ZBTB46: variants seen among roughly 807,000 people sequenced by gnomAD.
ZBTB46 encodes the protein zinc finger and BTB domain-containing protein 46.
In ZBTB46, 8 loss-of-function variants were observed where a neutral mutation model predicts 44.1. The observed-to-expected ratio is 0.18, with a 90% CI of 0.11 to 0.33. The LOEUF (loss-of-function observed/expected upper bound fraction) is 0.33, where lower values mean the gene tolerates loss of function less well. ZBTB46 is among the 10% of genes least tolerant of loss of function. The pLI, the probability that ZBTB46 is intolerant of heterozygous loss-of-function variation, is 1.00. For missense variants in ZBTB46, 651 were observed against 847.7 expected (o/e 0.77, Z 2.88); for synonymous variants, 409 against 382.3 (o/e 1.07, Z -0.81).
chr20:63,808,186 A>C, intron 1 of ZBTB46: 1 of 152,654 alleles, frequency 6.6e-6, no homozygotes, highest in Non-Finnish European at 1.5e-5. Flanking sequence ...ACTGGATTTC[A>C]CCACCGGCCG....
chr20:63,784,973 C>G (rs1016359699), intron 2 of ZBTB46, among the ~76,000 whole-genome samples: 2 of 152,196 alleles, frequency 1.3e-5, no homozygotes, highest in Non-Finnish European at 2.9e-5. Context: ...GTGGCTCACG[C>G]CTGTCATCCC....
At position 63,747,245 on chromosome 20, in the gene ZBTB46, G is replaced by A. The variant is rs370669704; in HGVS notation, c.1455C>T (p.Ser485=). Residue 485 remains serine, a synonymous_variant, in exon 5 of 5, where the codon TCC becomes TCT. Transcript: ENST00000245663. Reference sequence around the variant, plus strand: ...CATGCCTGATGCCCACGCTGGCGGCGGACATGAAGACGCGGCTGCACACCT... The same window carrying A: ...CATGCCTGATGCCCACGCTGGCGGCAGACATGAAGACGCGGCTGCACACCT... ...VCKVCSRVFM[S]AASVGIRHGS... The A allele has an allele frequency of 1.4e-5, 22 of 1,576,714 alleles. No individual in the cohort carries two copies. The highest frequency in any genetic ancestry group is 7.3e-5 in the Admixed American group (4 of 54,782).
intron 1 of ZBTB46, among the ~76,000 whole-genome samples, chr20:63,795,219 T>A (rs2092592366): frequency 6.6e-6 from 1 of 152,228 alleles, no homozygotes; most frequent in African/African-American, 2.4e-5. Flanking sequence ...CAGAATCGCT[T>A]ATGAAACGGG....
chr20:63,746,985 G>A lies in ZBTB46; in HGVS notation c.1715C>T (p.Pro572Leu), dbSNP rs201848046. The A allele has an allele frequency of 5.0e-5, 81 of 1,606,006 alleles. No homozygotes were observed. Among genetic ancestry groups the A allele is most frequent in the South Asian group, 3.0e-4 (27 of 90,880 alleles). ...GCCTCCTGGGGGGCTGCGCGGCCGC[G>A]GCGAGTCTTCCTCATCCTTGTCGTC... ...LADDKDEEDS[P>L]RPRSPPGGPD... The change falls in exon 5 of 5, where the codon CCG becomes CTG. Residue 572 changes from proline to leucine, a missense_variant. Around this residue, in one of 5 missense-constraint regions of ZBTB46, gnomAD observed 106 missense variants for 81.0 expected, o/e 1.31. Transcript: ENST00000245663.
chr20:63,782,424 A>G (rs1000923203), intron 2 of ZBTB46, among the ~76,000 whole-genome samples: 3 of 152,176 alleles, frequency 2.0e-5, no homozygotes, highest in African/African-American at 7.2e-5. Flanking sequence ...AAGCCAGAAG[A>G]GGCACATGGA....
chr20:63,780,673 G>T (rs1340234548), intron 2 of ZBTB46, among the ~76,000 whole-genome samples: 1 of 151,732 alleles, frequency 6.6e-6, no homozygotes, highest in Non-Finnish European at 1.5e-5. Flanking sequence ...GTGGTGGCGG[G>T]CGCCTGTAGT....
At chr20:63,817,589 G>A (rs533293098) in intron 1 of ZBTB46, among the ~76,000 whole-genome samples, 4 of 151,752 alleles carry the variant, frequency 2.6e-5, no homozygotes, top group African/African-American at 7.3e-5. Context: ...GGTGGCACAC[G>A]CCTGTAATCC....
At chr20:63,786,069 G>A (rs1194528057) in intron 2 of ZBTB46, among the ~76,000 whole-genome samples, 2 of 152,246 alleles carry the variant, frequency 1.3e-5, no homozygotes, top group African/African-American at 4.8e-5. Flanking sequence ...TGCACGCACA[G>A]GGAGGTGGCC....
rs2092078193 is a variant in ZBTB46 at position 63,745,350 on chromosome 20, A to G, written c.*1580T>C. ...AACCGGGGGCCAATGTCAAAAAACA[A>G]AAGCCGTGACTCCTGCGCTGTACCT... On this transcript the variant is annotated 3_prime_UTR_variant, in exon 5 of 5. Transcript: ENST00000245663. The G allele has an allele frequency of 6.6e-6, 1 of 152,238 alleles. No homozygotes were observed. Among genetic ancestry groups the G allele is most frequent in the Non-Finnish European group, 1.5e-5 (1 of 68,048 alleles). The allele number at this position is 152,238 out of a possible 1,614,324, so 9.4% of individuals were successfully genotyped here.
At chr20:63,791,707 G>A (rs1755962227) in intron 1 of ZBTB46, among the ~76,000 whole-genome samples, 1 of 152,106 alleles carries the variant, frequency 6.6e-6, no homozygotes, top group East Asian at 1.9e-4. Flanking sequence ...GGCTGCCAGC[G>A]CCCTGGACGT....
intron 1 of ZBTB46, chr20:63,815,289 CAGTGGGCAA>C: frequency 3.7e-6 from 1 of 271,886 alleles, no homozygotes; most frequent in South Asian, 3.1e-5. Flanking sequence ...AGTGCAGGTG[CAGTGGGCAA>C]AGGTGCAGTG....
chr20:63,809,000 GAAAAAGAAAAAAAAA>G, intron 1 of ZBTB46, among the ~76,000 whole-genome samples: 1 of 113,890 alleles, frequency 8.8e-6, no homozygotes. Flanking sequence ...AAAAAAAAAA[GAAAAAGAAAAAAAAA>G]AAAGAAAGAA....
Position 63,818,784 on chromosome 20 carries a change from GAAGGCAGAGGTTGC to G in ZBTB46, c.-34+12299_-34+12312del, listed in dbSNP as rs369850541. On this transcript the variant is annotated intron_variant, in intron 1 of 4. Transcript: ENST00000245663. Reference sequence around the variant, plus strand: ...GAGGCAGGAGAATCGCTTGAAACTGGAAGGCAGAGGTTGCAAGGCAGAGGTTGCAGTGAGCCGAG... The same window carrying G: ...GAGGCAGGAGAATCGCTTGAAACTGGAAGGCAGAGGTTGCAGTGAGCCGAG... 2.9e-3 allele frequency among the ~76,000 whole-genome samples: 437 copies of G among 150,712 alleles called. 4 individuals carry two copies. Among genetic ancestry groups the G allele is most frequent in the African/African-American group, 0.01 (415 of 40,830 alleles).
chr20:63,832,436 C>T (rs1228762788), upstream of ZBTB46, among the ~76,000 whole-genome samples: 2 of 152,180 alleles, frequency 1.3e-5, no homozygotes, highest in Non-Finnish European at 2.9e-5. This position sits in a 1 kb window ranked among gnomAD's most constrained non-coding sequence, Gnocchi z 5.0. Context: ...TCCCTGCGGG[C>T]CCAGCGCAGC....
rs747622982 is a variant in ZBTB46 at position 63,775,972 on chromosome 20, G to A, written c.938-10C>T. On this transcript the variant is annotated splice_polypyrimidine_tract_variant and intron_variant, in intron 2 of 4. Transcript: ENST00000245663. Reference sequence around the variant, plus strand: ...ACGGACAGGTCCGCATCTGGGGACAGAGGGACACACGTCAGAAGACACGGG... The same window carrying A: ...ACGGACAGGTCCGCATCTGGGGACAAAGGGACACACGTCAGAAGACACGGG... 1 of 1,540,664 alleles carries A rather than the reference G, an allele frequency of 6.5e-7. No homozygotes were observed. The highest frequency in any genetic ancestry group is 8.7e-7 in the Non-Finnish European group (1 of 1,149,260).
intron 4 of ZBTB46, among the ~76,000 whole-genome samples, 174 bp from the exon 5 acceptor site, chr20:63,747,475 G>T (rs1227802738): frequency 1.4e-5 from 1 of 71,108 alleles, no homozygotes; most frequent in Non-Finnish European, 3.0e-5. Flanking sequence ...GCGGGGCAGG[G>T]GGTGAGCAGG....
chr20:63,825,702 G>A (rs1216278816), intron 1 of ZBTB46, among the ~76,000 whole-genome samples: 2 of 152,100 alleles, frequency 1.3e-5, no homozygotes, highest in African/African-American at 2.4e-5. Flanking sequence ...CAACAACCAG[G>A]CCTTCGAGTT....
At chr20:63,818,453 G>A (rs1159335882) in intron 1 of ZBTB46, among the ~76,000 whole-genome samples, 1 of 152,240 alleles carries the variant, frequency 6.6e-6, no homozygotes, top group Non-Finnish European at 1.5e-5. Flanking sequence ...GGCCAGGCCA[G>A]TGCGGACCCC....
chr20:63,777,421 C>T (rs62219891), intron 2 of ZBTB46, among the ~76,000 whole-genome samples: 36,297 of 152,086 alleles, frequency 0.24, 4,386 homozygotes, highest in Middle Eastern at 0.36. Context: ...GAGCTGTGAT[C>T]GAGCCACTGT....
Sources: allele counts gnomAD v4.1 joint callset (sites outside exome capture counted in the v4.1 genomes callset), GRCh38; gene constraint gnomAD v4.1.1; regional missense constraint gnomAD v4.1.1; non-coding constraint Gnocchi (gnomAD v3.1); transcripts MANE v1.5; gene names NCBI Gene and HGNC (gene_info 2026-07-23, HGNC 2026-07-21).